FRMD4A: variants seen among roughly 807,000 people sequenced by gnomAD.
The protein encoded by FRMD4A is FERM domain-containing protein 4A.
FRMD4A carries 29 observed loss-of-function variants against 129.1 expected under a neutral mutation model. The observed-to-expected ratio is 0.22, with a 90% CI of 0.17 to 0.31. FRMD4A has a LOEUF of 0.31. FRMD4A is among the 10% of genes least tolerant of loss of function. FRMD4A has a pLI of 1.00. For missense variants in FRMD4A, 1,272 were observed against 1,375.8 expected (o/e 0.92, Z 1.19); for synonymous variants, 634 against 571.6 (o/e 1.11, Z -1.56).
chr10:14,293,132 A>C, intron 2 of FRMD4A, among the ~76,000 whole-genome samples: 1 of 152,246 alleles, frequency 6.6e-6, no homozygotes, highest in East Asian at 1.9e-4. Flanking sequence ...TTAGAAACTT[A>C]ATCTCCAATG....
At chr10:13,663,880 G>A (rs1321667907) in intron 18 of FRMD4A, among the ~76,000 whole-genome samples, 8 of 152,326 alleles carry the variant, frequency 5.3e-5, no homozygotes, top group African/African-American at 1.9e-4. Flanking sequence ...ACCAAAGGAC[G>A]CAAACTGCTT....
At chr10:14,045,889 T>C (rs1252129320) in intron 2 of FRMD4A, among the ~76,000 whole-genome samples, 1 of 147,100 alleles carries the variant, frequency 6.8e-6, no homozygotes, top group Non-Finnish European at 1.5e-5. Context: ...GGTATAATTA[T>C]GATAGTAAAA....
At chr10:14,309,962 C>T (rs190113456) in intron 2 of FRMD4A, among the ~76,000 whole-genome samples, 1 of 141,702 alleles carries the variant, frequency 7.1e-6, no homozygotes. Flanking sequence ...TCCTTCTGAA[C>T]CCCCAGCAAG....
chr10:14,236,269 T>C (rs80065087), intron 2 of FRMD4A, among the ~76,000 whole-genome samples: 1,703 of 152,330 alleles, frequency 0.011, 38 homozygotes, highest in African/African-American at 0.039. Context: ...ATCAGTAGAA[T>C]GCACGCATGA....
intron 2 of FRMD4A, among the ~76,000 whole-genome samples, chr10:14,055,213 T>C (rs1279002274): frequency 6.6e-6 from 1 of 152,184 alleles, no homozygotes; most frequent in Non-Finnish European, 1.5e-5. Flanking sequence ...AATTAATGAA[T>C]AGATCAATGT....
At chr10:13,839,598 T>C (rs1004323042) in intron 3 of FRMD4A, among the ~76,000 whole-genome samples, 12 of 152,196 alleles carry the variant, frequency 7.9e-5, no homozygotes, top group Admixed American at 2.0e-4. Context: ...TGTACAACAC[T>C]GAGAGCTTAA....
intron 2 of FRMD4A, among the ~76,000 whole-genome samples, chr10:14,182,517 A>T (rs895158634): frequency 6.6e-6 from 1 of 152,242 alleles, no homozygotes; most frequent in African/African-American, 2.4e-5. Context: ...ACTGCACTCC[A>T]GCCTGGACAA....
At chr10:13,906,983 C>T (rs1242627396) in intron 2 of FRMD4A, among the ~76,000 whole-genome samples, 1 of 152,170 alleles carries the variant, frequency 6.6e-6, no homozygotes, top group African/African-American at 2.4e-5. Flanking sequence ...TGTGTCTCAT[C>T]CTCAACTGTG....
chr10:14,000,921 C>T (rs1361433042), intron 2 of FRMD4A, among the ~76,000 whole-genome samples: 1 of 152,134 alleles, frequency 6.6e-6, no homozygotes, highest in Non-Finnish European at 1.5e-5. Flanking sequence ...ATGTGCTGGA[C>T]ACTGCATAGG....
Position 13,897,679 on chromosome 10 carries a change from G to A in FRMD4A, c.46-38767C>T, listed in dbSNP as rs565373943. Reference sequence around the variant, plus strand: ...ATTATAGGTACAGTGGCTCAAGCCTGTAATCCCAGCACTTTGGGATGCCAA... The same window carrying A: ...ATTATAGGTACAGTGGCTCAAGCCTATAATCCCAGCACTTTGGGATGCCAA... On this transcript the variant is annotated intron_variant, in intron 2 of 24. Transcript: ENST00000357447. 1.3e-3 allele frequency among the ~76,000 whole-genome samples: 194 copies of A among 152,292 alleles called. 2 individuals are homozygous for A. Among genetic ancestry groups the A allele is most frequent in the African/African-American group, 4.5e-3 (186 of 41,560 alleles).
At chr10:13,777,823 G>T (rs2092634134) in intron 6 of FRMD4A, among the ~76,000 whole-genome samples, 1 of 131,422 alleles carries the variant, frequency 7.6e-6, no homozygotes, top group African/African-American at 2.8e-5. Context: ...TTTTGAGACG[G>T]AGTCTCGCTC....
intron 2 of FRMD4A, among the ~76,000 whole-genome samples, chr10:14,287,770 T>C (rs886588693): frequency 1.3e-5 from 2 of 152,246 alleles, no homozygotes; most frequent in African/African-American, 2.4e-5. Context: ...CAGTTCACTC[T>C]ACCTTCTTAA....
chr10:13,696,465 G>A (rs1414535661), intron 14 of FRMD4A, among the ~76,000 whole-genome samples: 1 of 152,214 alleles, frequency 6.6e-6, no homozygotes, highest in Non-Finnish European at 1.5e-5. Flanking sequence ...AATTAGAGCT[G>A]GGCATGGTGG....
intron 6 of FRMD4A, among the ~76,000 whole-genome samples, chr10:13,772,194 T>C (rs1011957976): frequency 1.5e-5 from 1 of 66,228 alleles, no homozygotes; most frequent in Non-Finnish European, 4.0e-5. Flanking sequence ...AATTATTATA[T>C]AATAATAAAT....
At chr10:13,775,158 A>G (rs145460111) in intron 6 of FRMD4A, among the ~76,000 whole-genome samples, 45 of 152,288 alleles carry the variant, frequency 3.0e-4, no homozygotes, top group African/African-American at 1.0e-3. Context: ...GCAAGAGGGG[A>G]GAAGATGTCA....
intron 2 of FRMD4A, among the ~76,000 whole-genome samples, chr10:13,962,290 G>A (rs537820609): frequency 1.3e-5 from 2 of 152,132 alleles, no homozygotes; most frequent in Admixed American, 6.5e-5. Context: ...TCTGAGCCTC[G>A]TTATGATACC....
intron 6 of FRMD4A, among the ~76,000 whole-genome samples, chr10:13,769,562 G>A (rs763648040): frequency 1.3e-5 from 2 of 151,916 alleles, no homozygotes; most frequent in Non-Finnish European, 2.9e-5. Flanking sequence ...CACCCACCTC[G>A]GCCTCCCAAA....
intron 2 of FRMD4A, among the ~76,000 whole-genome samples, chr10:14,165,712 A>T (rs1841137357): frequency 6.6e-6 from 1 of 152,222 alleles, no homozygotes; most frequent in Non-Finnish European, 1.5e-5. Context: ...AGCAACATGG[A>T]TGGAGCTGGA....
chr10:13,774,810 A>G (rs2092556998), intron 6 of FRMD4A, among the ~76,000 whole-genome samples: 1 of 152,160 alleles, frequency 6.6e-6, no homozygotes, highest in Non-Finnish European at 1.5e-5. Flanking sequence ...ATAAACTGGA[A>G]AAAAAGAGCT....
Sources: allele counts gnomAD v4.1 joint callset (sites outside exome capture counted in the v4.1 genomes callset), GRCh38; gene constraint gnomAD v4.1.1; transcripts MANE v1.5; gene names NCBI Gene and HGNC (gene_info 2026-07-23, HGNC 2026-07-21).